MEMO1: variants seen among roughly 807,000 people sequenced by gnomAD.
The protein encoded by MEMO1 is mediator of cell motility 1, also known as protein MEMO1.
A neutral mutation model predicts 45.2 loss-of-function variants in MEMO1; 6 were observed. The observed-to-expected ratio is 0.13, with a 90% CI of 0.07 to 0.26. The LOEUF is 0.26. Among genes scored for constraint, MEMO1 ranks in the 10% least tolerant of loss-of-function variants. The pLI, the probability that MEMO1 is intolerant of heterozygous loss-of-function variation, is 1.00. For synonymous variants in MEMO1, 78 were observed against 124.3 expected (o/e 0.63, Z 2.48); for missense variants, 184 against 370.5 (o/e 0.50, Z 4.13).
At chr2:31,945,032 C>T (rs1384475151) in intron 2 of MEMO1, among the ~76,000 whole-genome samples, 1 of 152,070 alleles carries the variant, frequency 6.6e-6, no homozygotes, top group Non-Finnish European at 1.5e-5. Context: ...TAACCACTTC[C>T]TGATTTTGGT....
chr2:31,962,287 G>C (rs1232113955), intron 2 of MEMO1, among the ~76,000 whole-genome samples: 4 of 152,102 alleles, frequency 2.6e-5, no homozygotes, highest in Non-Finnish European at 5.9e-5. Flanking sequence ...TATTCAGAAG[G>C]CTGAGGTAGG....
chr2:31,939,878 G>A (rs551032300), intron 3 of MEMO1, among the ~76,000 whole-genome samples: 18 of 151,722 alleles, frequency 1.2e-4, no homozygotes, highest in South Asian at 1.0e-3. Flanking sequence ...CGTCTTCATC[G>A]CCCTCACCTC....
chr2:31,934,039 T>A (rs1258431597), intron 3 of MEMO1, among the ~76,000 whole-genome samples: 1 of 152,198 alleles, frequency 6.6e-6, no homozygotes. Context: ...TACCAGTTTA[T>A]AAGTACGCCA....
chr2:31,974,478 G>A (rs1179377286), intron 2 of MEMO1, among the ~76,000 whole-genome samples: 1 of 152,210 alleles, frequency 6.6e-6, no homozygotes, highest in Non-Finnish European at 1.5e-5. Flanking sequence ...CGGGCACGGT[G>A]ACTCACGCCT....
chr2:31,913,640 T>C (rs1028389782), intron 6 of MEMO1, among the ~76,000 whole-genome samples: 3 of 152,126 alleles, frequency 2.0e-5, no homozygotes, highest in Non-Finnish European at 2.9e-5. Flanking sequence ...CAGTTATTAA[T>C]TCATTCAACA....
chr2:31,995,504 T>C (rs1291058196), intron 2 of MEMO1, among the ~76,000 whole-genome samples: 2 of 152,014 alleles, frequency 1.3e-5, no homozygotes, highest in African/African-American at 2.4e-5. Context: ...AAAATTATAA[T>C]ATTTGATATA....
intron 6 of MEMO1, among the ~76,000 whole-genome samples, chr2:31,915,110 C>A (rs1681233946): frequency 6.6e-6 from 1 of 151,932 alleles, no homozygotes; most frequent in South Asian, 2.1e-4. Flanking sequence ...CCAGCCTGGG[C>A]AACAGAGCTG....
intron 3 of MEMO1, among the ~76,000 whole-genome samples, chr2:31,938,715 AAAGT>A (rs1457268110): frequency 1.3e-5 from 2 of 152,146 alleles, no homozygotes; most frequent in Admixed American, 6.5e-5. Flanking sequence ...TATAAAACTT[AAAGT>A]AAGTTTTTGA....
intron 8 of MEMO1, among the ~76,000 whole-genome samples, chr2:31,881,706 A>T (rs1675406966): frequency 6.6e-6 from 1 of 152,074 alleles, no homozygotes; most frequent in African/African-American, 2.4e-5. Context: ...TCCAGGCCAT[A>T]AAGTTCAAGT....
intron 3 of MEMO1, among the ~76,000 whole-genome samples, chr2:31,937,913 A>G (rs1016442347): frequency 2.6e-5 from 4 of 152,238 alleles, no homozygotes; most frequent in African/African-American, 9.6e-5. Flanking sequence ...ATTTCTGCAT[A>G]GTGCAAGACA....
intron 4 of MEMO1, among the ~76,000 whole-genome samples, chr2:31,930,032 G>A (rs1027396315): frequency 6.6e-6 from 1 of 152,238 alleles, no homozygotes; most frequent in Non-Finnish European, 1.5e-5. Context: ...GGCCGAGGTG[G>A]GCGGATCACC....
intron 2 of MEMO1, among the ~76,000 whole-genome samples, chr2:31,979,980 C>T (rs1191348160): frequency 6.8e-6 from 1 of 148,106 alleles, no homozygotes; most frequent in African/African-American, 2.5e-5. Context: ...TAGACTATAT[C>T]CAAGTCCAAA....
chr2:32,007,229 TG>T (rs1674210095), intron 2 of MEMO1, among the ~76,000 whole-genome samples: 1 of 152,170 alleles, frequency 6.6e-6, no homozygotes, highest in Non-Finnish European at 1.5e-5. Context: ...TACCTGCCTC[TG>T]TATCTGTGTG....
At chr2:31,885,450 G>A (rs1465069942) in intron 7 of MEMO1, among the ~76,000 whole-genome samples, 2 of 152,208 alleles carry the variant, frequency 1.3e-5, no homozygotes, top group Admixed American at 6.5e-5. Flanking sequence ...CCAGGTGGCT[G>A]TGAGAAGGCT....
intron 8 of MEMO1, among the ~76,000 whole-genome samples, chr2:31,882,889 C>A (rs1675623642): frequency 6.6e-6 from 1 of 152,098 alleles, no homozygotes; most frequent in Non-Finnish European, 1.5e-5. Flanking sequence ...TCTTCATCAT[C>A]ACTTAAGAAC....
At chr2:31,871,631 G>A (rs1429345302) in intron 8 of MEMO1, among the ~76,000 whole-genome samples, 2 of 151,988 alleles carry the variant, frequency 1.3e-5, no homozygotes, top group Non-Finnish European at 2.9e-5. Flanking sequence ...TGCTAAGTTG[G>A]TTGTCCCCTG....
intron 6 of MEMO1, among the ~76,000 whole-genome samples, chr2:31,910,576 G>C (rs1190423532): frequency 6.6e-6 from 1 of 152,164 alleles, no homozygotes; most frequent in Non-Finnish European, 1.5e-5. Context: ...TTTGAAAGTT[G>C]TTAGCCGGGT....
intron 7 of MEMO1, among the ~76,000 whole-genome samples, chr2:31,889,551 G>C (rs1676657977): frequency 6.6e-6 from 1 of 152,032 alleles, no homozygotes; most frequent in African/African-American, 2.4e-5. Context: ...TGAGAAACAT[G>C]AAACTTAATT....
intron 2 of MEMO1, among the ~76,000 whole-genome samples, chr2:31,946,176 G>A (rs556414839): frequency 1.7e-4 from 26 of 152,218 alleles, no homozygotes; most frequent in Admixed American, 1.4e-3. Context: ...ATTCCCCTAC[G>A]TCGTTCCCAA....
Sources: allele counts gnomAD v4.1 joint callset (sites outside exome capture counted in the v4.1 genomes callset), GRCh38; gene constraint gnomAD v4.1.1; transcripts MANE v1.5; gene names NCBI Gene and HGNC (gene_info 2026-07-23, HGNC 2026-07-21).